SLC7A9: variants seen among roughly 807,000 people sequenced by gnomAD.
SLC7A9 encodes B(0,+)-type amino acid transporter 1.
Under a neutral mutation model 54.1 loss-of-function variants are expected in SLC7A9, and 38 were observed. The ratio of observed to expected loss-of-function variants is 0.70; its 90% CI spans 0.54 to 0.92. The LOEUF (loss-of-function observed/expected upper bound fraction) is 0.92. SLC7A9 is among the 40% of genes least tolerant of loss of function. The pLI, the probability that SLC7A9 is intolerant of heterozygous loss-of-function variation, is 0.00. For synonymous variants in SLC7A9, 264 were observed against 258.9 expected (o/e 1.02, Z -0.19); for missense variants, 537 against 636.1 (o/e 0.84, Z 1.68).
chr19:32,864,170 T>A lies in SLC7A9; in HGVS notation c.404A>T (p.Tyr135Phe), dbSNP rs770298522. The change falls in exon 4 of 13, where the codon TAT becomes TTT. Residue 135 changes from tyrosine (Y) to phenylalanine (F), a missense_variant. By Grantham distance (22) the Tyr-to-Phe change is conservative (BLOSUM62 3). Transcript: ENST00000023064. ...GCCCACATAGAAGGGCGCACACACA[T>A]ACTCGGAGAAGCTGAGGCAGATGAT... ...FAIICLSFSEYVCAPFYVGCK... is the reference protein window; with the variant it reads ...FAIICLSFSEFVCAPFYVGCK... 6.2e-7 allele frequency: 1 copy of A among 1,614,132 alleles called. No homozygotes were observed. Among genetic ancestry groups the A allele is most frequent in the Non-Finnish European group, 8.5e-7 (1 of 1,180,000 alleles).
intron 9 of SLC7A9, among the ~76,000 whole-genome samples, chr19:32,854,382 G>T (rs1460654014): frequency 6.6e-6 from 1 of 152,078 alleles, no homozygotes; most frequent in Admixed American, 6.6e-5. Flanking sequence ...ACCCAGTCCT[G>T]ATCAAAATCC....
intron 9 of SLC7A9, 40 bp downstream of exon 9, chr19:32,858,400 G>T: frequency 2.8e-6 from 4 of 1,420,020 alleles, no homozygotes; most frequent in Non-Finnish European, 4.0e-6. Context: ...TGCTTTCGCC[G>T]CCCCTGTCCA....
chr19:32,855,638 C>T (rs564875058), intron 9 of SLC7A9, among the ~76,000 whole-genome samples: 2 of 151,782 alleles, frequency 1.3e-5, no homozygotes, highest in African/African-American at 2.4e-5. Context: ...GGAGGTGGAG[C>T]TTGCAGTGAG....
intron 9 of SLC7A9, among the ~76,000 whole-genome samples, 185 bp downstream of exon 9, chr19:32,858,255 C>G (rs1222955007): frequency 1.3e-5 from 2 of 152,252 alleles, no homozygotes; most frequent in African/African-American, 4.8e-5. Flanking sequence ...CCCATCCATG[C>G]CTTCCTGGCC....
chr19:32,833,813 AAAT>A (rs1172350486), intron 11 of SLC7A9, among the ~76,000 whole-genome samples: 4 of 152,152 alleles, frequency 2.6e-5, no homozygotes, highest in Admixed American at 6.5e-5. Flanking sequence ...AGAAAAAAAA[AAAT>A]AGATAAACTG....
At position 32,868,466 on chromosome 19, in the gene SLC7A9, G is replaced by C; in HGVS notation, c.69C>G (p.Thr23=). 6.2e-7 allele frequency: 1 copy of C among 1,613,920 alleles called. No individual in the cohort carries two copies. The highest frequency in any genetic ancestry group is 8.5e-7 in the Non-Finnish European group (1 of 1,179,888). Residue 23 remains threonine, a synonymous_variant, in exon 2 of 13, where the codon ACC becomes ACG. Transcript: ENST00000023064. ...GCCTTACCTCCTTTTGGAGACTGGT[G>C]GTCTTAGGCTCTTGGCTCTGGATCG... ...EKSIQSQEPK[T]TSLQKELGLI...
At chr19:32,839,102 C>T (rs370458053) in intron 11 of SLC7A9, among the ~76,000 whole-genome samples, 2 of 152,066 alleles carry the variant, frequency 1.3e-5, no homozygotes, top group Middle Eastern at 3.2e-3. Flanking sequence ...TGCTTTCTCT[C>T]GTCCATGTTT....
intron 9 of SLC7A9, among the ~76,000 whole-genome samples, chr19:32,846,339 G>A (rs1219490486): frequency 1.3e-4 from 20 of 152,088 alleles, no homozygotes; most frequent in African/African-American, 3.4e-4. Flanking sequence ...CTTTTCCAAC[G>A]GGCTTAAAAA....
At chr19:32,860,271 C>A in intron 7 of SLC7A9, 1 of 1,393,232 alleles carries the variant, frequency 7.2e-7, no homozygotes. Flanking sequence ...AGAAACCATT[C>A]GCTGGCCGGG....
At chr19:32,838,545 T>C (rs138147489) in intron 11 of SLC7A9, among the ~76,000 whole-genome samples, 29 of 148,210 alleles carry the variant, frequency 2.0e-4, no homozygotes, top group African/African-American at 6.4e-4. Flanking sequence ...ATTTGTTGTA[T>C]ATATGTTATA....
Position 32,858,527 on chromosome 19 carries a change from A to G in SLC7A9, c.890T>C (p.Val297Ala). The change falls in exon 9 of 13, where the codon GTT becomes GCT. Residue 297 changes from valine to alanine, a missense_variant. Coordinates refer to ENST00000023064, the MANE Select transcript of SLC7A9 (RefSeq NM_014270.5). ...AACGATCCAAGAAGCAGGATAGAGAACACGGTCACCAAATGTCTGGTGAGA... is the reference window on the plus strand; with the variant it reads ...AACGATCCAAGAAGCAGGATAGAGAGCACGGTCACCAAATGTCTGGTGAGA... ...QAVAVTFGDR[V>A]LYPASWIVPL... 6.2e-6 allele frequency: 10 copies of G among 1,612,754 alleles called. No individual in the cohort carries two copies. Among genetic ancestry groups the G allele is most frequent in the Non-Finnish European group, 8.5e-6 (10 of 1,179,584 alleles).
intron 7 of SLC7A9, chr19:32,860,258 A>G (rs972396333): frequency 1.4e-6 from 2 of 1,399,816 alleles, no homozygotes; most frequent in Non-Finnish European, 9.3e-7. Context: ...TAGTGAGCTC[A>G]TAAGAAACCA....
At chr19:32,868,732 T>C in intron 1 of SLC7A9, 87 bp from the exon 2 acceptor site, 1 of 647,588 alleles carries the variant, frequency 1.5e-6, no homozygotes, top group South Asian at 1.7e-5. Flanking sequence ...AGAGTCAAAG[T>C]CAGTCATTAA....
intron 11 of SLC7A9, among the ~76,000 whole-genome samples, chr19:32,839,666 T>G (rs1218003217): frequency 6.6e-6 from 1 of 152,182 alleles, no homozygotes; most frequent in Non-Finnish European, 1.5e-5. Context: ...AGAATCTGGC[T>G]TACATTTTCC....
At chr19:32,842,037 T>G in intron 11 of SLC7A9, 131 bp downstream of exon 11, 1 of 911,384 alleles carries the variant, frequency 1.1e-6, no homozygotes, top group Non-Finnish European at 1.7e-6. Context: ...TAAACTCCAC[T>G]CTAAAATACG....
chr19:32,868,937 A>G, intron 1 of SLC7A9, among the ~76,000 whole-genome samples: 1 of 151,890 alleles, frequency 6.6e-6, no homozygotes, highest in East Asian at 1.9e-4. Flanking sequence ...GGCTGGGCAC[A>G]GTGGCTCAGG....
chr19:32,856,340 G>A (rs75270834), intron 9 of SLC7A9, among the ~76,000 whole-genome samples: 15,002 of 151,694 alleles, frequency 0.099, 913 homozygotes, highest in Middle Eastern at 0.17. Flanking sequence ...GACTACAGGC[G>A]CCCGCCACCA....
intron 9 of SLC7A9, among the ~76,000 whole-genome samples, chr19:32,853,018 A>C (rs1168268083): frequency 6.8e-6 from 1 of 146,252 alleles, no homozygotes; most frequent in Non-Finnish European, 1.5e-5. Flanking sequence ...GGTTCAAGCC[A>C]TTCTCCTGCC....
At chr19:32,833,036 G>T in intron 12 of SLC7A9, 113 bp downstream of exon 12, 2 of 1,039,472 alleles carry the variant, frequency 1.9e-6, no homozygotes, top group South Asian at 1.3e-5. Flanking sequence ...GGACGAGGGA[G>T]ATCTGCCAGC....
Sources: allele counts gnomAD v4.1 joint callset (sites outside exome capture counted in the v4.1 genomes callset), GRCh38; gene constraint gnomAD v4.1.1; transcripts MANE v1.5; gene names NCBI Gene and HGNC (gene_info 2026-07-23, HGNC 2026-07-21).